Variants in DNAI2 observed in about 807,000 individuals in gnomAD.
DNAI2 encodes the protein dynein, axonemal, intermediate polypeptide 2.
DNAI2 carries 63 observed loss-of-function variants against 74.7 expected under a neutral mutation model. That is an observed-to-expected ratio of 0.84 (90% confidence interval 0.69 to 1.04). The LOEUF (loss-of-function observed/expected upper bound fraction) is 1.04, where lower values mean the gene tolerates loss of function less well. Among genes scored for constraint, DNAI2 ranks in the 50% least tolerant of loss-of-function variants. DNAI2 has a pLI of 0.00. For missense variants in DNAI2, 688 were observed against 803.2 expected, an observed-to-expected ratio of 0.86 and a Z score of 1.73; for synonymous variants, 289 against 314.9, an observed-to-expected ratio of 0.92 and a Z score of 0.87.
chr17:74,286,104 T>C (rs1026034068), intron 3 of DNAI2, among the ~76,000 whole-genome samples: 1 of 151,630 alleles, frequency 6.6e-6, no homozygotes, highest in East Asian at 1.9e-4. Context: ...GAGACCAGCC[T>C]GGCCAACATA....
chr17:74,314,363 C>A, intron 13 of DNAI2, 92 bp downstream of exon 13: 1 of 1,513,828 alleles, frequency 6.6e-7, no homozygotes, highest in African/African-American at 1.4e-5. Context: ...GACTCCCCAG[C>A]CCCTACAAAT....
At chr17:74,288,046 G>A (rs2051856674) in intron 4 of DNAI2, among the ~76,000 whole-genome samples, 1 of 151,894 alleles carries the variant, frequency 6.6e-6, no homozygotes, top group African/African-American at 2.4e-5. Flanking sequence ...AAACAAAGCC[G>A]GTGCAGAACA....
intron 1 of DNAI2, chr17:74,281,548 G>A (rs2051385412): frequency 3.4e-6 from 2 of 586,358 alleles, no homozygotes; most frequent in Admixed American, 3.0e-5. Flanking sequence ...GTCAGCTACC[G>A]CGCCTGGCCA....
In DNAI2 at chr17:74,312,038, G is replaced by A. The variant is rs747447796; in HGVS notation, c.1530G>A (p.Leu510=). Residue 510 remains leucine (L), a synonymous_variant, in exon 12 of 14, where the codon CTG becomes CTA. Transcript: ENST00000311014. ...GTGAGACCCGGCGAGAGAAGATCCT[G>A]GAGGCCAGGCACCGGGAGATGCGGC... ...FERETRREKI[L]EARHREMRLK... 2.2e-5 allele frequency: 35 copies of A among 1,611,960 alleles called. 1 individual carries two copies. In the South Asian group the frequency reaches 3.7e-4, roughly 17 times the overall value.
At chr17:74,303,372 TA>T (rs952929513) in intron 8 of DNAI2, among the ~76,000 whole-genome samples, 2 of 152,114 alleles carry the variant, frequency 1.3e-5, no homozygotes, top group Non-Finnish European at 2.9e-5. Context: ...TCGGCTTGAA[TA>T]CTTTCTTCTC....
chr17:74,289,803 C>T (rs1217878847), intron 5 of DNAI2, 67 bp downstream of exon 5: 26 of 1,603,354 alleles, frequency 1.6e-5, no homozygotes, highest in East Asian at 2.2e-5. Context: ...AGTGGAGGAG[C>T]GGGAGGGAGG....
chr17:74,278,267 CA>C (rs71361610), intron 1 of DNAI2, among the ~76,000 whole-genome samples: 28,844 of 143,750 alleles, frequency 0.2, 3,119 homozygotes, highest in African/African-American at 0.3. Flanking sequence ...CTCAACTCTA[CA>C]AAAAAAAAAA....
chr17:74,293,208 A>C (rs1260423351), intron 6 of DNAI2, among the ~76,000 whole-genome samples: 1 of 152,144 alleles, frequency 6.6e-6, no homozygotes, highest in East Asian at 1.9e-4. Flanking sequence ...TTCCTTGTTG[A>C]TCTTTCACGT....
intron 3 of DNAI2, among the ~76,000 whole-genome samples, 200 bp downstream of exon 3, chr17:74,285,401 G>A (rs953402039): frequency 6.6e-6 from 1 of 152,106 alleles, no homozygotes; most frequent in Non-Finnish European, 1.5e-5. Flanking sequence ...GGGAAGGCAG[G>A]GAGGTACAAG....
intron 10 of DNAI2, chr17:74,309,718 C>T: frequency 6.3e-6 from 4 of 632,972 alleles, no homozygotes; most frequent in Non-Finnish European, 1.1e-5. Context: ...GGACCTTCCC[C>T]TTCATGTCAG....
intron 4 of DNAI2, among the ~76,000 whole-genome samples, chr17:74,287,441 C>T (rs951426020): frequency 6.6e-6 from 1 of 152,192 alleles, no homozygotes; most frequent in Non-Finnish European, 1.5e-5. Context: ...TGCACTCATG[C>T]GAGTATATCC....
rs2053693881 is a variant in DNAI2 at position 74,314,158 on chromosome 17, AG to A, written c.1763del (p.Gly588GlufsTer17). 2 of 1,614,158 alleles carry A rather than the reference AG, an allele frequency of 1.2e-6. No homozygotes were observed. The highest frequency in any genetic ancestry group is 1.7e-6 in the Non-Finnish European group (2 of 1,179,990). ...PSPEEDQVVEEGEEAAGEEGD... is the reference protein window; with the variant it reads ...PSPEEDQVVEXGEEAAGEEGD... ...CCAGAAGAAGACCAGGTGGTGGAGG[AG>A]GGAGAGGAAGCAGCGGGGGAAGAAG... is the stretch of plus-strand genomic sequence containing the variant. On this transcript the variant is annotated frameshift_variant, in exon 13 of 14. Coordinates refer to ENST00000311014, the MANE Select transcript of DNAI2 (RefSeq NM_023036.6). LOFTEE classifies it high-confidence loss of function.
intron 13 of DNAI2, 75 bp from the exon 14 acceptor site, chr17:74,314,514 C>A: frequency 2.5e-6 from 1 of 399,864 alleles, no homozygotes; most frequent in Non-Finnish European, 4.8e-6. Context: ...CCACCTTAGT[C>A]CTAGTCCTGG....
At chr17:74,293,981 C>T (rs2052279776) in intron 6 of DNAI2, among the ~76,000 whole-genome samples, 2 of 151,614 alleles carry the variant, frequency 1.3e-5, no homozygotes, top group East Asian at 2.0e-4. Flanking sequence ...TGAGGTTTTA[C>T]CATGTTGGCC....
At chr17:74,277,771 A>T (rs1314028980) in intron 1 of DNAI2, among the ~76,000 whole-genome samples, 1 of 152,258 alleles carries the variant, frequency 6.6e-6, no homozygotes. Flanking sequence ...GCCCTGCCCC[A>T]GGCATCTAGT....
intron 1 of DNAI2, chr17:74,281,446 T>C: frequency 2.1e-6 from 1 of 469,886 alleles, no homozygotes; most frequent in Non-Finnish European, 3.8e-6. Flanking sequence ...TTTGCAGAGA[T>C]GGGGTTTCAC....
chr17:74,310,730 G>A (rs1420962294), intron 11 of DNAI2, among the ~76,000 whole-genome samples: 2 of 152,010 alleles, frequency 1.3e-5, no homozygotes, highest in African/African-American at 4.8e-5. Flanking sequence ...ATAGAGACAG[G>A]ATCTCACCAT....
At chr17:74,276,086 G>A (rs946695158) in intron 1 of DNAI2, among the ~76,000 whole-genome samples, 5 of 152,012 alleles carry the variant, frequency 3.3e-5, no homozygotes, top group Non-Finnish European at 7.4e-5. Flanking sequence ...AGTCTCCCAC[G>A]CTGACACTCC....
Position 74,310,153 on chromosome 17 carries a change from T to G in DNAI2, c.1484T>G (p.Val495Gly). The G allele has an allele frequency of 6.2e-7, 1 of 1,613,564 alleles. No homozygotes were observed. Among genetic ancestry groups the G allele is most frequent in the Non-Finnish European group, 8.5e-7 (1 of 1,180,024 alleles). Residue 495 changes from valine to glycine, a missense_variant, in exon 11 of 14, where the codon GTA becomes GGA. By Grantham distance (109) the Val-to-Gly change is moderately radical. Transcript: ENST00000311014. Reference sequence around the variant, plus strand: ...ACCCTCCAGAGGAATGAGAAGAACGTAGCCTCTTCCGTAAGCACCGGGTGC... The same window carrying G: ...ACCCTCCAGAGGAATGAGAAGAACGGAGCCTCTTCCGTAAGCACCGGGTGC... ...LSTLQRNEKNVASSMFERETR... is the reference protein window; with the variant it reads ...LSTLQRNEKNGASSMFERETR...
Sources: gnomAD v4.1 joint callset for allele counts (sites outside exome capture counted in the v4.1 genomes callset) on GRCh38, gnomAD v4.1.1 for gene constraint, MANE v1.5 for transcripts, NCBI Gene and HGNC (gene_info 2026-07-23, HGNC 2026-07-21) for gene names.